Variants in DRC11 observed in about 807,000 individuals in gnomAD.
The protein encoded by DRC11 is IQ and AAA domain-containing protein 1.
At chr2:236,507,041 G>A in the DRC11 span, among the ~76,000 whole-genome samples, 1 of 152,104 alleles carries the variant, frequency 6.6e-6, no homozygotes, top group Non-Finnish European at 1.5e-5. Flanking sequence ...GGGAGGGGGA[G>A]ATCTAAGTGT....
chr2:236,468,921 G>T, the DRC11 span, among the ~76,000 whole-genome samples: 4 of 152,196 alleles, frequency 2.6e-5, no homozygotes, highest in African/African-American at 7.2e-5. Context: ...GCTATTTGAA[G>T]ATTTCCTTCA....
chr2:236,503,682 T>C, the DRC11 span: 1 of 1,550,892 alleles, frequency 6.4e-7, no homozygotes, highest in Non-Finnish European at 8.7e-7. The surrounding 1 kb of genome is among the most constrained non-coding windows in gnomAD (Gnocchi z 4.9). Context: ...CCAGACCCTC[T>C]TCCCTCGAGA....
At chr2:236,368,198 T>C in the DRC11 span, 28 of 1,598,788 alleles carry the variant, frequency 1.8e-5, no homozygotes, top group Non-Finnish European at 6.8e-6. Context: ...CTTTACCTAA[T>C]GGCCAGATTC....
At chr2:236,357,916 T>C in the DRC11 span, among the ~76,000 whole-genome samples, 4 of 120,362 alleles carry the variant, frequency 3.3e-5, no homozygotes, top group Non-Finnish European at 4.7e-5. Flanking sequence ...AATATACATA[T>C]ACTATATAAA....
At chr2:236,487,964 C>T in the DRC11 span, 338 of 1,467,700 alleles carry the variant, frequency 2.3e-4, no homozygotes, top group Non-Finnish European at 2.9e-4. Flanking sequence ...GTATAAGGCA[C>T]CTTGTACCCC....
the DRC11 span, among the ~76,000 whole-genome samples, chr2:236,493,046 A>G: frequency 1.3e-5 from 2 of 152,224 alleles, no homozygotes; most frequent in Admixed American, 6.5e-5. Flanking sequence ...TGGGCAATTT[A>G]CAAAAGAAAG....
the DRC11 span, among the ~76,000 whole-genome samples, chr2:236,457,055 A>T: frequency 6.6e-6 from 1 of 152,304 alleles, no homozygotes; most frequent in Admixed American, 6.5e-5. The surrounding 1 kb of genome is among the most constrained non-coding windows in gnomAD (Gnocchi z 4.7). Context: ...GGCTGGATGA[A>T]GTTACAACCA....
chr2:236,473,099 T>C, the DRC11 span, among the ~76,000 whole-genome samples: 2 of 152,160 alleles, frequency 1.3e-5, no homozygotes, highest in Non-Finnish European at 2.9e-5. The surrounding 1 kb of genome is among the most constrained non-coding windows in gnomAD (Gnocchi z 4.8). Context: ...TAAATAAAAA[T>C]AATCAAAGAT....
chr2:236,321,551 C>T, the DRC11 span, among the ~76,000 whole-genome samples: 1 of 152,142 alleles, frequency 6.6e-6, no homozygotes, highest in Non-Finnish European at 1.5e-5. Flanking sequence ...TCAGCATGTG[C>T]TGAGCTATGG....
chr2:236,433,956 A>G, the DRC11 span, among the ~76,000 whole-genome samples: 1 of 152,222 alleles, frequency 6.6e-6, no homozygotes, highest in Non-Finnish European at 1.5e-5. Flanking sequence ...TTCTATTTTT[A>G]AATATCAAAA....
the DRC11 span, among the ~76,000 whole-genome samples, chr2:236,370,199 A>G: frequency 6.6e-6 from 1 of 152,178 alleles, no homozygotes; most frequent in Non-Finnish European, 1.5e-5. The surrounding 1 kb of genome is among the most constrained non-coding windows in gnomAD (Gnocchi z 5.5). Flanking sequence ...GAGGGAGGTG[A>G]TGGTTTTACA....
the DRC11 span, among the ~76,000 whole-genome samples, chr2:236,394,172 T>C: frequency 6.6e-6 from 1 of 152,104 alleles, no homozygotes; most frequent in African/African-American, 2.4e-5. This position sits in a 1 kb window ranked among gnomAD's most constrained non-coding sequence, Gnocchi z 7.0. Context: ...GGACAGCAGC[T>C]ACACCAGAAA....
chr2:236,392,057 C>T, the DRC11 span: 1 of 1,613,774 alleles, frequency 6.2e-7, no homozygotes, highest in Non-Finnish European at 8.5e-7. The surrounding 1 kb of genome is among the most constrained non-coding windows in gnomAD (Gnocchi z 5.1). Flanking sequence ...GTTCCTGTCT[C>T]ATCAACTCAT....
the DRC11 span, among the ~76,000 whole-genome samples, chr2:236,431,122 A>C: frequency 6.6e-6 from 1 of 152,206 alleles, no homozygotes; most frequent in African/African-American, 2.4e-5. The surrounding 1 kb of genome is among the most constrained non-coding windows in gnomAD (Gnocchi z 4.2). Flanking sequence ...GTGTTCCACT[A>C]CCACAAATCA....
At chr2:236,309,308 A>T in the DRC11 span, among the ~76,000 whole-genome samples, 1 of 152,230 alleles carries the variant, frequency 6.6e-6, no homozygotes, top group East Asian at 1.9e-4. This position sits in a 1 kb window ranked among gnomAD's most constrained non-coding sequence, Gnocchi z 5.7. Flanking sequence ...GCCCAGTGAA[A>T]ATGTTCATTA....
the DRC11 span, among the ~76,000 whole-genome samples, chr2:236,455,878 G>A: frequency 5.6e-4 from 85 of 152,202 alleles, no homozygotes; most frequent in African/African-American, 1.9e-3. The surrounding 1 kb of genome is among the most constrained non-coding windows in gnomAD (Gnocchi z 5.7). Context: ...AGCACATTGC[G>A]TGCTGTTTTT....
chr2:236,490,664 A>G, the DRC11 span, among the ~76,000 whole-genome samples: 1 of 152,122 alleles, frequency 6.6e-6, no homozygotes, highest in Non-Finnish European at 1.5e-5. This position sits in a 1 kb window ranked among gnomAD's most constrained non-coding sequence, Gnocchi z 5.5. Context: ...ATTCTAAGGG[A>G]TTTTGAGTAG....
At chr2:236,415,687 A>C in the DRC11 span, among the ~76,000 whole-genome samples, 1 of 152,048 alleles carries the variant, frequency 6.6e-6, no homozygotes, top group Non-Finnish European at 1.5e-5. This position sits in a 1 kb window ranked among gnomAD's most constrained non-coding sequence, Gnocchi z 5.7. Context: ...ATGTTCTTAA[A>C]CTTTGCTTTT....
the DRC11 span, among the ~76,000 whole-genome samples, chr2:236,313,135 G>A: frequency 6.6e-6 from 1 of 151,954 alleles, no homozygotes; most frequent in Non-Finnish European, 1.5e-5. The surrounding 1 kb of genome is among the most constrained non-coding windows in gnomAD (Gnocchi z 4.5). Flanking sequence ...ACAAAGAACA[G>A]AAAAAGAAAG....
Sources: allele counts gnomAD v4.1 joint callset (sites outside exome capture counted in the v4.1 genomes callset), GRCh38; gene constraint gnomAD v4.1.1; non-coding constraint Gnocchi (gnomAD v3.1); transcripts MANE v1.5; gene names NCBI Gene and HGNC (gene_info 2026-07-23, HGNC 2026-07-21).